Variants in GABBR2 observed in about 807,000 individuals in gnomAD.
The protein encoded by GABBR2 is G-protein coupled receptor 51.
A neutral mutation model predicts 105.6 loss-of-function variants in GABBR2; 23 were observed. The ratio of observed to expected loss-of-function variants is 0.22; its 90% CI spans 0.16 to 0.31. The LOEUF (loss-of-function observed/expected upper bound fraction) is 0.31, where lower values mean the gene tolerates loss of function less well. Among genes scored for constraint, GABBR2 ranks in the 10% least tolerant of loss-of-function variants. GABBR2 has a pLI of 1.00. For synonymous variants in GABBR2, 478 were observed against 499.7 expected, an observed-to-expected ratio of 0.96 and a Z score of 0.58; for missense variants, 734 against 1,245.5, an observed-to-expected ratio of 0.59 and a Z score of 6.18.
At chr9:98,547,357 T>C (rs926624269) in intron 2 of GABBR2, among the ~76,000 whole-genome samples, 1 of 117,300 alleles carries the variant, frequency 8.5e-6, no homozygotes, top group African/African-American at 2.7e-5. Context: ...TTATTACATA[T>C]ACATTTATAA....
Position 98,454,307 on chromosome 9 carries a change from GC to G in GABBR2, c.1000-91del. ...CCGAGAAGAGCTGCTATTCTTCAATGCCCACAGGGTGCCAGGTACAGTGCTA... is the reference window on the plus strand; with the variant it reads ...CCGAGAAGAGCTGCTATTCTTCAATGCCACAGGGTGCCAGGTACAGTGCTA... On this transcript the variant is annotated intron_variant, in intron 6 of 18. Transcript: ENST00000259455. This position sits in a 1 kb window ranked among gnomAD's most constrained non-coding sequence, Gnocchi z 4.6. 2 of 857,074 alleles carry G rather than the reference GC, an allele frequency of 2.3e-6. No homozygotes were observed. The highest frequency in any genetic ancestry group is 4.0e-6 in the Non-Finnish European group (2 of 498,954). 53.1% of individuals were successfully genotyped at this position (857,074 alleles called of 1,614,324 possible).
At chr9:98,313,220 G>A (rs1166402637) in intron 13 of GABBR2, among the ~76,000 whole-genome samples, 2 of 152,116 alleles carry the variant, frequency 1.3e-5, no homozygotes, top group Admixed American at 6.5e-5. Flanking sequence ...TTGGCACAAC[G>A]ATTCCAGCAC....
chr9:98,327,227 G>A (rs755591693), intron 13 of GABBR2, among the ~76,000 whole-genome samples: 9 of 152,148 alleles, frequency 5.9e-5, no homozygotes, highest in Non-Finnish European at 8.8e-5. Context: ...TTTTAAACCT[G>A]TGGTTTAGAT....
intron 1 of GABBR2, among the ~76,000 whole-genome samples, chr9:98,675,224 G>C (rs922749046): frequency 2.0e-5 from 3 of 152,172 alleles, no homozygotes; most frequent in Admixed American, 1.3e-4. Context: ...CAGCAAGCAC[G>C]GCAGGATGGC....
At chr9:98,475,093 G>C (rs538031269) in intron 5 of GABBR2, among the ~76,000 whole-genome samples, 1 of 152,264 alleles carries the variant, frequency 6.6e-6, no homozygotes, top group South Asian at 2.1e-4. Context: ...TGATCACACT[G>C]TCTCTTCACT....
chr9:98,659,915 G>T (rs13440200), intron 1 of GABBR2, among the ~76,000 whole-genome samples: 1 of 151,828 alleles, frequency 6.6e-6, no homozygotes, highest in Non-Finnish European at 1.5e-5. Flanking sequence ...ATATGGATTA[G>T]AAACTCCATT....
At chr9:98,426,405 C>T (rs750363758) in intron 7 of GABBR2, among the ~76,000 whole-genome samples, 6 of 152,154 alleles carry the variant, frequency 3.9e-5, no homozygotes, top group South Asian at 4.1e-4. Context: ...TGTATGCACA[C>T]GTGTGTGTTA....
chr9:98,631,961 C>T (rs563722198), intron 1 of GABBR2, among the ~76,000 whole-genome samples: 1 of 152,308 alleles, frequency 6.6e-6, no homozygotes, highest in East Asian at 1.9e-4. Context: ...GGTTATGAAG[C>T]TGAATTAGCC....
In GABBR2 at chr9:98,501,173, A is replaced by AT. The variant is rs1199767994; in HGVS notation, c.631-4660dup. 7.9e-4 allele frequency among the ~76,000 whole-genome samples: 72 copies of AT among 91,560 alleles called. No individual in the cohort carries two copies. The East Asian group carries it at 8.3e-3, about 11-fold the overall frequency. The allele number at this position is 91,560 out of a possible 152,430, so 60.1% of individuals were successfully genotyped here. A position where few individuals can be genotyped will look rare whatever the true frequency, so the allele number is the denominator to read the frequency against. On this transcript the variant is annotated intron_variant, in intron 3 of 18. Transcript: ENST00000259455. ...TGCTCCTTTTTTTTTTAATTAATTA[A>AT]TTTTTTTTTGAGACAAAGTCTCACT...
At chr9:98,569,649 G>A (rs1324316077) in intron 2 of GABBR2, among the ~76,000 whole-genome samples, 1 of 152,188 alleles carries the variant, frequency 6.6e-6, no homozygotes, top group Non-Finnish European at 1.5e-5. Flanking sequence ...GCAAAGTGCT[G>A]GAGGGTGAGC....
At chr9:98,566,652 G>T (rs959183375) in intron 2 of GABBR2, among the ~76,000 whole-genome samples, 3 of 151,994 alleles carry the variant, frequency 2.0e-5, no homozygotes, top group Admixed American at 2.0e-4. Context: ...TCCAGCCTGG[G>T]TGACAGACTG....
rs1830722915 is a variant in GABBR2 at position 98,316,601 on chromosome 9, G to A, written c.1894-5396C>T. Among the ~76,000 whole-genome samples the A allele has an allele frequency of 2.0e-5, 3 of 152,174 alleles. No homozygotes were observed. In the South Asian group the frequency reaches 6.2e-4, roughly 32 times the overall value. ...ATGCAGCAATAACCTGGATAGACAA[G>A]AGCCCTGTCCTCATGGCTCTCCCAT... On this transcript the variant is annotated intron_variant, in intron 13 of 18. Coordinates refer to ENST00000259455, the MANE Select transcript of GABBR2 (RefSeq NM_005458.8).
intron 5 of GABBR2, among the ~76,000 whole-genome samples, chr9:98,480,024 T>C (rs1826882282): frequency 6.6e-6 from 1 of 152,214 alleles, no homozygotes; most frequent in Admixed American, 6.5e-5. Context: ...TCATCCAATG[T>C]ATTTCATGAT....
chr9:98,487,517 G>A (rs1306723507), intron 4 of GABBR2, among the ~76,000 whole-genome samples: 1 of 152,108 alleles, frequency 6.6e-6, no homozygotes, highest in East Asian at 1.9e-4. Flanking sequence ...GCTCATGCCT[G>A]TAATCCCAGC....
At chr9:98,562,250 C>T (rs1014786595) in intron 2 of GABBR2, among the ~76,000 whole-genome samples, 2 of 152,016 alleles carry the variant, frequency 1.3e-5, no homozygotes, top group African/African-American at 4.8e-5. Context: ...AATTGTGGGA[C>T]ATTTTATAAA....
intron 10 of GABBR2, among the ~76,000 whole-genome samples, chr9:98,387,933 C>T (rs1352754535): frequency 6.6e-6 from 1 of 152,152 alleles, no homozygotes; most frequent in Non-Finnish European, 1.5e-5. Flanking sequence ...GACTTGTTCC[C>T]GACAGCCCAC....
chr9:98,531,237 C>A (rs1310053329), intron 3 of GABBR2, among the ~76,000 whole-genome samples: 1 of 152,202 alleles, frequency 6.6e-6, no homozygotes, highest in African/African-American at 2.4e-5. Flanking sequence ...CGGCCAGTCA[C>A]CCTAGCCTCT....
intron 7 of GABBR2, among the ~76,000 whole-genome samples, chr9:98,408,750 GAGA>G (rs1832532599): frequency 6.6e-6 from 1 of 152,226 alleles, no homozygotes; most frequent in Non-Finnish European, 1.5e-5. Flanking sequence ...TGAATGCTAT[GAGA>G]AGATCAAAAG....
rs150427062 is a variant in GABBR2, at chr9:98,562,657, G to A, written c.459+15278C>T. On this transcript the variant is annotated intron_variant, in intron 2 of 18. Coordinates refer to ENST00000259455, the MANE Select transcript of GABBR2 (RefSeq NM_005458.8). ...CAAATATGGCAAAATGTAAACAACT[G>A]TCAATCCAGATAAAGGGTAAATGAT... Among the ~76,000 whole-genome samples, 25 of 152,268 alleles carry A rather than the reference G, an allele frequency of 1.6e-4. No homozygotes were observed. In the East Asian group the frequency reaches 3.9e-3, roughly 23 times the overall value.
Sources: allele counts gnomAD v4.1 joint callset (sites outside exome capture counted in the v4.1 genomes callset), GRCh38; gene constraint gnomAD v4.1.1; non-coding constraint Gnocchi (gnomAD v3.1); transcripts MANE v1.5; gene names NCBI Gene and HGNC (gene_info 2026-07-23, HGNC 2026-07-21).